The following ANKRD31 variants were observed in gnomAD, a reference collection of about 807,000 sequenced individuals.
ANKRD31 encodes the protein ankyrin repeat domain 31.
A neutral mutation model predicts 186.0 loss-of-function variants in ANKRD31; 147 were observed. The observed-to-expected ratio is 0.79, with a 90% confidence interval of 0.69 to 0.91. The LOEUF is 0.91. ANKRD31 is among the 40% of genes least tolerant of loss of function. The pLI is 0.00. For missense variants in ANKRD31, 1,986 were observed against 2,148.8 expected, an observed-to-expected ratio of 0.92 and a Z score of 1.50; for synonymous variants, 673 against 736.4, an observed-to-expected ratio of 0.91 and a Z score of 1.39.
chr5:75,098,047 C>T (rs983392772), intron 22 of ANKRD31, among the ~76,000 whole-genome samples: 3 of 151,508 alleles, frequency 2.0e-5, no homozygotes, highest in African/African-American at 2.4e-5. Context: ...TCTTTTGAGA[C>T]GCAGTCTCAC....
chr5:75,236,489 G>T, intron 1 of ANKRD31, 94 bp downstream of exon 1: 1 of 1,025,590 alleles, frequency 9.8e-7, no homozygotes, highest in South Asian at 1.6e-5. Flanking sequence ...ACATGTTCTG[G>T]TCACGATCTC....
At chr5:75,155,013 A>G (rs1160117625) in intron 11 of ANKRD31, among the ~76,000 whole-genome samples, 1 of 152,074 alleles carries the variant, frequency 6.6e-6, no homozygotes, top group Non-Finnish European at 1.5e-5. Context: ...ACTCCATATT[A>G]TACTTATTTC....
chr5:75,144,150 A>C lies in ANKRD31; in HGVS notation c.3446T>G (p.Ile1149Ser), dbSNP rs1751253946. 2 of 397,142 alleles carry C rather than the reference A, an allele frequency of 5.0e-6. No homozygotes were observed. The highest frequency in any genetic ancestry group is 8.9e-6 in the Non-Finnish European group (2 of 225,152). 24.6% of individuals were successfully genotyped at this position (397,142 alleles called of 1,614,324 possible). A position where few individuals can be genotyped will look rare whatever the true frequency, so the allele number is the denominator to read the frequency against. ...HKPDEELTNN[I>S]SGDEITIRNC... ...TCTTATAGTTATTTCATCTCCACTG[A>C]TGTTATTAGTTAATTCCTCATCTGA... Residue 1149 changes from isoleucine (I) to serine (S), a missense_variant, in exon 15 of 26, where the codon ATC (isoleucine) becomes AGC (serine). By Grantham distance (142) the Ile-to-Ser change is moderately radical. Transcript: ENST00000506364.
chr5:75,232,371 C>A (rs558482110), intron 1 of ANKRD31, among the ~76,000 whole-genome samples: 1 of 152,234 alleles, frequency 6.6e-6, no homozygotes, highest in South Asian at 2.1e-4. Context: ...TCAAGTGATC[C>A]TCCTGCCTCA....
At chr5:75,098,611 C>A (rs1304108783) in intron 22 of ANKRD31, among the ~76,000 whole-genome samples, 2 of 152,080 alleles carry the variant, frequency 1.3e-5, no homozygotes, top group Admixed American at 1.3e-4. Context: ...TTTCGTTGAG[C>A]AGTGGTTTGT....
In ANKRD31 at chr5:75,084,303, T is replaced by A. The variant is rs1019233541; in HGVS notation, c.5544A>T (p.Ser1848=). ...GACAAGGTTGATATTGCTGAGGTACTGAGTTTGGTTCTGGAAGTATGGGTG... is the reference window on the plus strand; with the variant it reads ...GACAAGGTTGATATTGCTGAGGTACAGAGTTTGGTTCTGGAAGTATGGGTG... The part of the protein sequence containing the change: ...EDAPILPEPN[S]VPQQYQPCLP... Residue 1848 remains serine (S), a synonymous_variant, in exon 24 of 26, where the codon TCA becomes TCT. Transcript: ENST00000506364. 1.8e-5 allele frequency: 28 copies of A among 1,536,966 alleles called. No homozygotes were observed. Among genetic ancestry groups the A allele is most frequent in the Non-Finnish European group, 2.2e-5 (25 of 1,146,766 alleles).
chr5:75,158,780 A>G (rs1752377016), intron 11 of ANKRD31, among the ~76,000 whole-genome samples: 1 of 152,138 alleles, frequency 6.6e-6, no homozygotes, highest in Admixed American at 6.6e-5. Flanking sequence ...CAACAGAGTG[A>G]GATTCTGTCT....
rs1185001548 is a variant in ANKRD31 at position 75,147,207 on chromosome 5, T to C, written c.2204A>G (p.His735Arg). The C allele has an allele frequency of 6.5e-7, 1 of 1,536,184 alleles. No individual in the cohort carries two copies. The highest frequency in any genetic ancestry group is 2.4e-5 in the East Asian group (1 of 40,888). ...PKGIGRRKTQ[H>R]KRTQVDDVDC... ...TACATCATCTACTTGGGTCCTTTTA[T>C]GTTGTGTTTTTCTTCTTCCTATACC... Residue 735 changes from histidine (H) to arginine (R), a missense_variant, in exon 14 of 26, where the codon CAT becomes CGT. By Grantham distance (29) the His-to-Arg change is conservative. Transcript: ENST00000506364.
At chr5:75,186,253 T>C (rs536653238) in intron 10 of ANKRD31, among the ~76,000 whole-genome samples, 1 of 152,200 alleles carries the variant, frequency 6.6e-6, no homozygotes, top group Non-Finnish European at 1.5e-5. Flanking sequence ...GGAAATCTCC[T>C]TAAAAAATGA....
intron 17 of ANKRD31, among the ~76,000 whole-genome samples, chr5:75,119,991 G>T (rs546407307): frequency 1.7e-3 from 258 of 152,104 alleles, no homozygotes; most frequent in Non-Finnish European, 3.1e-3. Flanking sequence ...GTGATATTTT[G>T]GGGAGAAAAA....
intron 3 of ANKRD31, among the ~76,000 whole-genome samples, chr5:75,221,805 AAT>A (rs5868768): frequency 0.5 from 76,567 of 151,858 alleles, 22,218 homozygotes; most frequent in African/African-American, 0.81. Flanking sequence ...ATGAATAGTA[AAT>A]ATGTTTTCTC....
chr5:75,132,899 A>G (rs553277460), intron 17 of ANKRD31, among the ~76,000 whole-genome samples: 1 of 152,316 alleles, frequency 6.6e-6, no homozygotes, highest in East Asian at 1.9e-4. Context: ...AGAATTTCAT[A>G]TCCAGCCAAA....
Position 75,177,109 on chromosome 5 carries a change from G to A in ANKRD31, c.1565-7988C>T, listed in dbSNP as rs932329085. The stretch of plus-strand genomic sequence containing the variant: ...ATGCACAAGCCTCAGTAATCGATGC[G>A]ATCAGTTGGAAGAAAGGGTATCAGC... On this transcript the variant is annotated intron_variant, in intron 10 of 25. Coordinates refer to ENST00000506364, the MANE Select transcript of ANKRD31 (RefSeq NM_001372053.1). Among the ~76,000 whole-genome samples the A allele has an allele frequency of 5.3e-5, 8 of 152,142 alleles. No individual in the cohort carries two copies. In the South Asian group the frequency reaches 6.2e-4, roughly 12 times the overall value.
intron 12 of ANKRD31, among the ~76,000 whole-genome samples, chr5:75,151,496 C>T (rs1052293374): frequency 8.1e-4 from 123 of 152,118 alleles, no homozygotes; most frequent in African/African-American, 2.8e-3. Flanking sequence ...TGTTCCCCTG[C>T]ACTTCTCCTT....
chr5:75,157,882 T>C (rs1752297008), intron 11 of ANKRD31, among the ~76,000 whole-genome samples: 1 of 152,288 alleles, frequency 6.6e-6, no homozygotes, highest in African/African-American at 2.4e-5. Context: ...TTAATGAAAC[T>C]ACTCACCTGC....
chr5:75,171,103 C>T (rs960990935), intron 10 of ANKRD31, among the ~76,000 whole-genome samples: 1 of 151,430 alleles, frequency 6.6e-6, no homozygotes, highest in South Asian at 2.1e-4. Context: ...TATAGAACAG[C>T]TGAACAACAT....
intron 11 of ANKRD31, among the ~76,000 whole-genome samples, chr5:75,160,486 A>G (rs1752499002): frequency 6.6e-6 from 1 of 152,244 alleles, no homozygotes; most frequent in African/African-American, 2.4e-5. Flanking sequence ...ATCCAACCAT[A>G]TCAATAACAA....
chr5:75,203,665 A>G (rs1755961678), intron 5 of ANKRD31, among the ~76,000 whole-genome samples: 1 of 146,014 alleles, frequency 6.8e-6, no homozygotes, highest in Non-Finnish European at 1.5e-5. Context: ...TCCATCTCAA[A>G]AAAAAAAAAA....
chr5:75,095,457 GA>G (rs1746246393), intron 22 of ANKRD31, among the ~76,000 whole-genome samples: 1 of 148,072 alleles, frequency 6.8e-6, no homozygotes, highest in East Asian at 2.0e-4. Context: ...CTGGGCCACA[GA>G]GCGAGACTCC....
Sources: gnomAD v4.1 joint callset for allele counts (sites outside exome capture counted in the v4.1 genomes callset) on GRCh38, gnomAD v4.1.1 for gene constraint, MANE v1.5 for transcripts, NCBI Gene and HGNC (gene_info 2026-07-23, HGNC 2026-07-21) for gene names.